ARPC1A: variants seen among roughly 807,000 people sequenced by gnomAD.
ARPC1A encodes the protein actin related protein 2/3 complex subunit 1A.
Under a neutral mutation model 46.9 loss-of-function variants are expected in ARPC1A, and 8 were observed. That is an observed-to-expected ratio of 0.17 (90% CI 0.10 to 0.31). The LOEUF (loss-of-function observed/expected upper bound fraction) is 0.31. Ranked by LOEUF, ARPC1A falls within the 10% of genes least tolerant of loss-of-function variation. The pLI is 1.00. For missense variants in ARPC1A, 286 were observed against 483.6 expected, an observed-to-expected ratio of 0.59 and a Z score of 3.83; for synonymous variants, 152 against 169.0, an observed-to-expected ratio of 0.90 and a Z score of 0.78.
intron 5 of ARPC1A, among the ~76,000 whole-genome samples, 172 bp downstream of exon 5, chr7:99,349,131 G>T (rs112581110): frequency 5.3e-5 from 8 of 152,232 alleles, no homozygotes; most frequent in African/African-American, 1.7e-4. Context: ...GCTCACTGCA[G>T]CCTCCAATTC....
chr7:99,359,346 G>T (rs1454532350), intron 7 of ARPC1A, among the ~76,000 whole-genome samples, 199 bp from the exon 8 acceptor site: 1 of 150,788 alleles, frequency 6.6e-6, no homozygotes, highest in Non-Finnish European at 1.5e-5. Flanking sequence ...TGAGGCAGGA[G>T]AATTACTTGA....
At chr7:99,347,761 G>A (rs1187558963) in intron 4 of ARPC1A, among the ~76,000 whole-genome samples, 1 of 151,446 alleles carries the variant, frequency 6.6e-6, no homozygotes, top group African/African-American at 2.4e-5. Flanking sequence ...CCCGGGAGGT[G>A]GAGGTTGCGG....
chr7:99,358,013 C>T (rs571180018), intron 6 of ARPC1A, among the ~76,000 whole-genome samples: 2 of 152,252 alleles, frequency 1.3e-5, no homozygotes, highest in South Asian at 4.1e-4. Flanking sequence ...CCACTTTAGG[C>T]GGAAGTGGCC....
chr7:99,343,304 A>G (rs1793386178), intron 3 of ARPC1A, among the ~76,000 whole-genome samples: 1 of 151,958 alleles, frequency 6.6e-6, no homozygotes, highest in Non-Finnish European at 1.5e-5. Context: ...CGTCTCTACT[A>G]AAAATACAAA....
At chr7:99,351,841 A>G (rs1380925914) in intron 5 of ARPC1A, among the ~76,000 whole-genome samples, 4 of 152,186 alleles carry the variant, frequency 2.6e-5, no homozygotes, top group African/African-American at 9.7e-5. Flanking sequence ...AAAGGGCCCT[A>G]AAGGGTAGAT....
chr7:99,328,618 A>G (rs902613999), intron 1 of ARPC1A, among the ~76,000 whole-genome samples: 2 of 152,244 alleles, frequency 1.3e-5, no homozygotes, highest in South Asian at 2.1e-4. Flanking sequence ...ATGGCTAGCC[A>G]TACATCAGAA....
At chr7:99,359,503 T>C in intron 7 of ARPC1A, 42 bp from the exon 8 acceptor site, 1 of 1,595,804 alleles carries the variant, frequency 6.3e-7, no homozygotes, top group Non-Finnish European at 8.6e-7. Context: ...AGGTGGGCGG[T>C]GGGCAGTGCA....
intron 2 of ARPC1A, among the ~76,000 whole-genome samples, chr7:99,335,830 T>C (rs1410789329): frequency 6.6e-6 from 1 of 152,066 alleles, no homozygotes; most frequent in African/African-American, 2.4e-5. Flanking sequence ...GGCGGGCGCC[T>C]GTAGTCCCAG....
chr7:99,359,052 C>G (rs1793692269), intron 7 of ARPC1A, among the ~76,000 whole-genome samples: 1 of 149,146 alleles, frequency 6.7e-6, no homozygotes, highest in African/African-American at 2.5e-5. Flanking sequence ...AGGATGGTCT[C>G]AATCTCCTGA....
intron 2 of ARPC1A, 85 bp downstream of exon 2, chr7:99,333,502 A>T: frequency 8.5e-7 from 1 of 1,173,130 alleles, no homozygotes; most frequent in Non-Finnish European, 1.3e-6. Context: ...CACATATCTC[A>T]GTATCACATG....
chr7:99,341,076 AG>A (rs1372080107), intron 3 of ARPC1A, among the ~76,000 whole-genome samples: 1 of 152,192 alleles, frequency 6.6e-6, no homozygotes, highest in African/African-American at 2.4e-5. Context: ...TAGGAGGCTG[AG>A]GCGGGTGGAT....
At chr7:99,360,026 C>G (rs1352661736) in intron 8 of ARPC1A, 2 of 468,678 alleles carry the variant, frequency 4.3e-6, no homozygotes, top group Admixed American at 6.8e-5. Context: ...GTGGTGGGGC[C>G]TCAGGGCAGC....
At chr7:99,347,829 C>CAA (rs755158875) in intron 4 of ARPC1A, among the ~76,000 whole-genome samples, 2 of 90,574 alleles carry the variant, frequency 2.2e-5, no homozygotes, top group African/African-American at 4.1e-5. Flanking sequence ...AACTCCATCT[C>CAA]AAAAAAAAAA....
At chr7:99,351,947 C>T (rs1173271734) in intron 5 of ARPC1A, among the ~76,000 whole-genome samples, 1 of 152,082 alleles carries the variant, frequency 6.6e-6, no homozygotes, top group Admixed American at 6.6e-5. Context: ...TGGAAACGGG[C>T]GACACCACCT....
At position 99,344,309 on chromosome 7, in the gene ARPC1A, C is replaced by T. The variant is rs763608448; in HGVS notation, c.186C>T (p.Pro62=). The T allele has an allele frequency of 8.1e-6, 13 of 1,613,892 alleles. No individual in the cohort carries two copies. The East Asian group carries it at 2.9e-4, about 36-fold the overall frequency. The change falls in exon 4 of 10, where the codon CCC becomes CCT. Residue 62 remains proline (P), a synonymous_variant. Transcript: ENST00000262942. ...NGHITGIDWA[P]KSDRIVTCGA... is the part of the protein sequence containing the mutation. ...CACTTGCAGGTATTGACTGGGCTCC[C>T]AAGAGCGACCGCATTGTCACTTGTG...
Position 99,359,591 on chromosome 7 carries a change from G to C in ARPC1A, c.836G>C (p.Cys279Ser), listed in dbSNP as rs1365295123. Reference sequence around the variant, plus strand: ...CTCTTTAACTACGATGACCGCGGCTGCCTGACCTTCGTCTCCAAGTTAGAT... The same window carrying C: ...CTCTTTAACTACGATGACCGCGGCTCCCTGACCTTCGTCTCCAAGTTAGAT... ...PMLFNYDDRGCLTFVSKLDIP... is the reference protein window; with the variant it reads ...PMLFNYDDRGSLTFVSKLDIP... Residue 279 changes from cysteine to serine, a missense_variant, in exon 8 of 10, where the codon TGC (cysteine) becomes TCC (serine). Physicochemically the swap from Cys to Ser is moderately radical, Grantham distance 112. Coordinates refer to ENST00000262942, the MANE Select transcript of ARPC1A (RefSeq NM_006409.4). The C allele has an allele frequency of 6.2e-7, 1 of 1,614,156 alleles. No homozygotes were observed. Among genetic ancestry groups the C allele is most frequent in the Non-Finnish European group, 8.5e-7 (1 of 1,180,026 alleles).
intron 9 of ARPC1A, among the ~76,000 whole-genome samples, chr7:99,364,585 A>C (rs753858532): frequency 2.6e-5 from 4 of 152,006 alleles, no homozygotes; most frequent in African/African-American, 4.8e-5. Context: ...GATCTCTTTA[A>C]AACCTAAAAG....
At chr7:99,329,870 G>A (rs1031782750) in intron 1 of ARPC1A, among the ~76,000 whole-genome samples, 3 of 152,112 alleles carry the variant, frequency 2.0e-5, no homozygotes, top group Non-Finnish European at 2.9e-5. Flanking sequence ...TTTGCAGACC[G>A]ATTTTATTTT....
intron 7 of ARPC1A, among the ~76,000 whole-genome samples, chr7:99,359,066 C>CAG (rs1229412115): frequency 1.3e-5 from 2 of 148,308 alleles, no homozygotes; most frequent in African/African-American, 5.0e-5. Flanking sequence ...CTCCTGACCT[C>CAG]GTGATCCGCC....
Sources: gnomAD v4.1 joint callset for allele counts (sites outside exome capture counted in the v4.1 genomes callset) on GRCh38, gnomAD v4.1.1 for gene constraint, MANE v1.5 for transcripts, NCBI Gene and HGNC (gene_info 2026-07-23, HGNC 2026-07-21) for gene names.